The following UNC13C variants were observed in gnomAD, a reference collection of about 807,000 sequenced individuals.
UNC13C encodes the protein protein unc-13 homolog C.
A neutral mutation model predicts 245.4 loss-of-function variants in UNC13C; 174 were observed. That is an observed-to-expected ratio of 0.71 (90% CI 0.63 to 0.80). The LOEUF (loss-of-function observed/expected upper bound fraction) is 0.80. UNC13C is among the 30% of genes least tolerant of loss of function. UNC13C has a pLI of 0.00. For synonymous variants in UNC13C, 992 were observed against 895.1 expected (o/e 1.11, Z -1.93); for missense variants, 2,829 against 2,602.9 (o/e 1.09, Z -1.89).
intron 19 of UNC13C, among the ~76,000 whole-genome samples, chr15:54,469,567 T>C (rs1239130611): frequency 1.3e-5 from 2 of 151,714 alleles, no homozygotes; most frequent in African/African-American, 4.8e-5. Flanking sequence ...ATATAATTAA[T>C]GCATATCCTT....
intron 2 of UNC13C, among the ~76,000 whole-genome samples, chr15:54,109,202 TCTG>T (rs1307761928): frequency 1.3e-5 from 2 of 151,258 alleles, no homozygotes; most frequent in Admixed American, 6.6e-5. Flanking sequence ...TAGCAACCTC[TCTG>T]CTATCAGAAG....
intron 25 of UNC13C, among the ~76,000 whole-genome samples, chr15:54,526,609 T>G (rs925081475): frequency 1.3e-5 from 2 of 151,862 alleles, no homozygotes; most frequent in African/African-American, 4.8e-5. Context: ...CCGGGCGTGG[T>G]GACGGGCACC....
At chr15:54,425,139 T>G (rs1372259505) in intron 19 of UNC13C, among the ~76,000 whole-genome samples, 1 of 151,952 alleles carries the variant, frequency 6.6e-6, no homozygotes, top group South Asian at 2.1e-4. Context: ...TTCTTTTACA[T>G]GAATAAACAA....
At chr15:53,880,397 T>C in the UNC13C span, among the ~76,000 whole-genome samples, 3 of 152,350 alleles carry the variant, frequency 2.0e-5, no homozygotes, top group African/African-American at 7.2e-5. Context: ...TTGCGGCTGC[T>C]TTGCAATTGT....
intron 20 of UNC13C, among the ~76,000 whole-genome samples, chr15:54,495,137 A>G (rs985246462): frequency 2.6e-5 from 4 of 152,164 alleles, no homozygotes; most frequent in Admixed American, 6.5e-5. Context: ...CTAAAAATAG[A>G]AATAGTGGTT....
intron 25 of UNC13C, 52 bp downstream of exon 25, chr15:54,525,689 A>T (rs561327252): frequency 1.4e-6 from 2 of 1,453,314 alleles, no homozygotes; most frequent in African/African-American, 2.8e-5. Context: ...GTGTCAGTTC[A>T]TGATATTCTT....
rs1334780389 is a variant in UNC13C at position 54,538,802 on chromosome 15, A to C, written c.5696+5736A>C. Among the ~76,000 whole-genome samples the C allele has an allele frequency of 2.6e-5, 4 of 152,172 alleles. No homozygotes were observed. The East Asian group carries it at 7.7e-4, about 29-fold the overall frequency. On this transcript the variant is annotated intron_variant, in intron 26 of 32. Transcript: ENST00000260323. ...TAAGTGAGAGCTAAACACTGAGTAC[A>C]AATAGGCACAAAGAAGGGAACAATA...
chr15:54,206,760 T>C (rs955697836), intron 4 of UNC13C, among the ~76,000 whole-genome samples: 2 of 151,794 alleles, frequency 1.3e-5, no homozygotes, highest in African/African-American at 4.8e-5. Context: ...ATACTAAGAG[T>C]GAATGTAAAG....
At chr15:54,001,131 G>C (rs1894867440) in intron 1 of UNC13C, among the ~76,000 whole-genome samples, 1 of 152,064 alleles carries the variant, frequency 6.6e-6, no homozygotes, top group African/African-American at 2.4e-5. Context: ...TTCATGACAG[G>C]TTTTGATAAA....
intron 4 of UNC13C, among the ~76,000 whole-genome samples, chr15:54,192,537 G>A (rs1393363673): frequency 6.6e-6 from 1 of 152,020 alleles, no homozygotes; most frequent in Admixed American, 6.6e-5. Context: ...CTCCACCCTG[G>A]TTCTCTAACA....
At chr15:54,127,737 A>T (rs1054163176) in intron 2 of UNC13C, among the ~76,000 whole-genome samples, 7 of 126,936 alleles carry the variant, frequency 5.5e-5, no homozygotes, top group African/African-American at 2.1e-4. Context: ...AATATATATT[A>T]AATATATATT....
chr15:54,018,514 A>T (rs1414339236), intron 2 of UNC13C, among the ~76,000 whole-genome samples: 1 of 152,234 alleles, frequency 6.6e-6, no homozygotes, highest in Non-Finnish European at 1.5e-5. Flanking sequence ...CACCTTAAAC[A>T]GCATTCCAGT....
chr15:54,192,125 C>T (rs982963876), intron 4 of UNC13C, among the ~76,000 whole-genome samples: 1 of 152,080 alleles, frequency 6.6e-6, no homozygotes, highest in African/African-American at 2.4e-5. Context: ...ATGCCTATGT[C>T]CTGAATGATA....
intron 4 of UNC13C, among the ~76,000 whole-genome samples, chr15:54,174,686 A>T (rs28707557): frequency 0.11 from 16,706 of 152,106 alleles, 1,559 homozygotes; most frequent in African/African-American, 0.25. Context: ...CGAAGCCTGG[A>T]CCATATAATA....
chr15:54,352,989 CA>C (rs2039017837), intron 17 of UNC13C, among the ~76,000 whole-genome samples: 1 of 151,884 alleles, frequency 6.6e-6, no homozygotes, highest in African/African-American at 2.4e-5. Context: ...TGAAAATGGC[CA>C]AGAGGAAGCA....
intron 4 of UNC13C, among the ~76,000 whole-genome samples, chr15:54,220,003 G>T (rs1311660882): frequency 2.1e-5 from 3 of 142,768 alleles, no homozygotes; most frequent in Non-Finnish European, 3.0e-5. Context: ...TGGTGGGACT[G>T]TAAACTAGTT....
chr15:53,941,052 A>G, the UNC13C span, among the ~76,000 whole-genome samples: 2 of 103,454 alleles, frequency 1.9e-5, no homozygotes, highest in East Asian at 5.4e-4. Context: ...CCAGCTTCAA[A>G]CTATACTACA....
intron 19 of UNC13C, among the ~76,000 whole-genome samples, chr15:54,464,693 T>A (rs752176507): frequency 3.3e-5 from 5 of 152,120 alleles, no homozygotes; most frequent in Non-Finnish European, 5.9e-5. Flanking sequence ...AGCAGTCACA[T>A]ACATAGAAGA....
chr15:53,949,663 G>A, the UNC13C span, among the ~76,000 whole-genome samples: 1 of 152,126 alleles, frequency 6.6e-6, no homozygotes, highest in Non-Finnish European at 1.5e-5. Context: ...AGAGGACCTG[G>A]CACATCAAAG....
Sources: allele counts gnomAD v4.1 joint callset (sites outside exome capture counted in the v4.1 genomes callset), GRCh38; gene constraint gnomAD v4.1.1; transcripts MANE v1.5; gene names NCBI Gene and HGNC (gene_info 2026-07-23, HGNC 2026-07-21).